Variants in HIVEP3 observed in about 807,000 individuals in gnomAD.
The protein encoded by HIVEP3 is HIVEP zinc finger 3.
HIVEP3 carries 49 observed loss-of-function variants against 152.8 expected under a neutral mutation model. The observed-to-expected ratio is 0.32, with a 90% CI of 0.26 to 0.41. The LOEUF (loss-of-function observed/expected upper bound fraction) is 0.41, where lower values mean the gene tolerates loss of function less well. Ranked by LOEUF, HIVEP3 falls within the 10% of genes least tolerant of loss-of-function variation. HIVEP3 has a pLI of 1.00. For missense variants in HIVEP3, 2,790 were observed against 3,103.3 expected (o/e 0.90, Z 2.40); for synonymous variants, 1,269 against 1,289.0 (o/e 0.98, Z 0.33).
chr1:41,513,867 G>A (rs901084245), intron 7 of HIVEP3, 117 bp from the exon 8 acceptor site: 16 of 772,344 alleles, frequency 2.1e-5, no homozygotes, highest in Middle Eastern at 5.0e-4. Context: ...AATAGCCATC[G>A]CAAGGGCACA....
At chr1:41,643,231 A>G (rs1289356010) in intron 2 of HIVEP3, among the ~76,000 whole-genome samples, 1 of 152,236 alleles carries the variant, frequency 6.6e-6, no homozygotes, top group Non-Finnish European at 1.5e-5. Context: ...GCTGACTGCC[A>G]TCAGAAACCC....
chr1:41,865,244 A>G (rs1158121710), intron 1 of HIVEP3, among the ~76,000 whole-genome samples: 1 of 152,214 alleles, frequency 6.6e-6, no homozygotes, highest in Non-Finnish European at 1.5e-5. Context: ...AACAAAGATT[A>G]GGAGCAATAA....
chr1:41,862,646 G>C (rs1459933659), intron 1 of HIVEP3, among the ~76,000 whole-genome samples: 1 of 152,040 alleles, frequency 6.6e-6, no homozygotes, highest in African/African-American at 2.4e-5. Flanking sequence ...TATTTCTTTA[G>C]ACACACTGGG....
intron 1 of HIVEP3, among the ~76,000 whole-genome samples, chr1:41,769,713 G>A (rs1648229474): frequency 6.6e-6 from 1 of 152,126 alleles, no homozygotes; most frequent in Non-Finnish European, 1.5e-5. Context: ...AGAACAATTT[G>A]AGTAACAAAA....
chr1:41,719,224 G>A (rs1255224284), intron 1 of HIVEP3, among the ~76,000 whole-genome samples: 1 of 152,206 alleles, frequency 6.6e-6, no homozygotes, highest in Admixed American at 6.5e-5. Context: ...TGCTCTATAT[G>A]AAAACAGCAT....
At chr1:41,762,747 G>A (rs1234175115) in intron 1 of HIVEP3, among the ~76,000 whole-genome samples, 9 of 152,360 alleles carry the variant, frequency 5.9e-5, no homozygotes, top group South Asian at 4.1e-4. Context: ...TGGGATCTGC[G>A]CTGGAGTGCA....
chr1:41,620,557 C>T (rs573133022), intron 3 of HIVEP3, among the ~76,000 whole-genome samples: 2 of 152,292 alleles, frequency 1.3e-5, no homozygotes, highest in Admixed American at 1.3e-4. Flanking sequence ...CTGCTTTTCT[C>T]TCTCTGCACT....
rs139245279 is a variant in HIVEP3 at position 41,583,976 on chromosome 1, C to T, written c.822G>A (p.Glu274=). 2.5e-6 allele frequency: 4 copies of T among 1,614,180 alleles called. No individual in the cohort carries two copies. The East Asian group carries it at 8.9e-5, about 36-fold the overall frequency. The change falls in exon 4 of 9, where the codon GAG becomes GAA. Residue 274 remains glutamate, a synonymous_variant. Transcript: ENST00000372583. This position sits in a 1 kb window ranked among gnomAD's most constrained non-coding sequence, Gnocchi z 6.9. ...EMERIPGEEF[E]EPTEGESTDS... ...CTGTGCTTTCTCCCTCAGTGGGCTC[C>T]TCAAACTCTTCCCCAGGGATCCGCT...
intron 1 of HIVEP3, among the ~76,000 whole-genome samples, chr1:41,839,631 A>T (rs1213138932): frequency 6.6e-6 from 1 of 152,132 alleles, no homozygotes; most frequent in Non-Finnish European, 1.5e-5. Flanking sequence ...GGGGCATGGG[A>T]TGCTCTGTGT....
At position 41,582,512 on chromosome 1, in the gene HIVEP3, T is replaced by C. The variant is rs754178581; in HGVS notation, c.2286A>G (p.Lys762=). The C allele has an allele frequency of 4.1e-5, 66 of 1,611,922 alleles. No homozygotes were observed. The highest frequency in any genetic ancestry group is 5.3e-5 in the Non-Finnish European group (63 of 1,178,678). ...TGGGTCCCTCCAAGGAGGGCACTGA[T>C]TTACTTGGTTCTGCTGGTGACTTGG... ...ESTKSPAEPS[K]SVPSLEGPTG... The change falls in exon 4 of 9, where the codon AAA becomes AAG. Residue 762 remains lysine (K), a synonymous_variant. Coordinates refer to ENST00000372583, the MANE Select transcript of HIVEP3 (RefSeq NM_024503.5). The surrounding 1 kb of genome is among the most constrained non-coding windows in gnomAD (Gnocchi z 4.7).
intron 1 of HIVEP3, among the ~76,000 whole-genome samples, chr1:41,783,792 G>T (rs1274632645): frequency 2.6e-5 from 4 of 152,218 alleles, no homozygotes; most frequent in Non-Finnish European, 5.9e-5. Context: ...CTCAGAAAGG[G>T]AGAAAGGTAA....
intron 1 of HIVEP3, among the ~76,000 whole-genome samples, chr1:41,714,367 G>A (rs1432537884): frequency 1.3e-5 from 2 of 152,140 alleles, no homozygotes; most frequent in Non-Finnish European, 2.9e-5. Context: ...GTTTCCCATG[G>A]GTACCATGCC....
chr1:41,781,025 T>C (rs1370897222), intron 1 of HIVEP3, among the ~76,000 whole-genome samples: 2 of 152,206 alleles, frequency 1.3e-5, no homozygotes, highest in Non-Finnish European at 2.9e-5. Flanking sequence ...CGTCTCTAGA[T>C]CTCCCAGTGG....
At chr1:41,574,307 C>T (rs764938165) in intron 5 of HIVEP3, among the ~76,000 whole-genome samples, 2 of 152,162 alleles carry the variant, frequency 1.3e-5, no homozygotes, top group African/African-American at 4.8e-5. Flanking sequence ...GGAGGACCCG[C>T]GTCCCTCCCC....
At chr1:41,992,599 AT>A (rs1345689837) in intron 1 of HIVEP3, among the ~76,000 whole-genome samples, 12 of 146,710 alleles carry the variant, frequency 8.2e-5, no homozygotes, top group African/African-American at 3.1e-4. Context: ...ATTCAATGCC[AT>A]CCCCATCAAG....
intron 3 of HIVEP3, among the ~76,000 whole-genome samples, chr1:41,607,717 T>C (rs6600383): frequency 0.094 from 14,291 of 152,282 alleles, 727 homozygotes; most frequent in Middle Eastern, 0.18. Flanking sequence ...AGTTAGGATA[T>C]GTATTAGGAT....
chr1:41,573,758 C>T (rs1007662917), intron 5 of HIVEP3, among the ~76,000 whole-genome samples: 4 of 152,016 alleles, frequency 2.6e-5, no homozygotes, highest in South Asian at 2.1e-4. Context: ...AAACTGAGGG[C>T]GGGAGAGCTG....
intron 1 of HIVEP3, among the ~76,000 whole-genome samples, chr1:41,893,905 ATT>A (rs552036140): frequency 0.015 from 2,162 of 146,762 alleles, 46 homozygotes; most frequent in African/African-American, 0.05. Flanking sequence ...TATAATATTT[ATT>A]TTTTATATAT....
chr1:41,624,923 T>C (rs1161885568), intron 3 of HIVEP3, among the ~76,000 whole-genome samples: 7 of 152,178 alleles, frequency 4.6e-5, no homozygotes, highest in African/African-American at 1.7e-4. Flanking sequence ...CCCAGCACTT[T>C]GGGAGGCCGA....
Sources: gnomAD v4.1 joint callset for allele counts (sites outside exome capture counted in the v4.1 genomes callset) on GRCh38, gnomAD v4.1.1 for gene constraint, Gnocchi (gnomAD v3.1) non-coding constraint, MANE v1.5 for transcripts, NCBI Gene and HGNC (gene_info 2026-07-23, HGNC 2026-07-21) for gene names.